Variants in ASTN1 observed in about 807,000 individuals in gnomAD.
ASTN1 encodes astrotactin 1, also known as astrotactin-1.
ASTN1 carries 41 observed loss-of-function variants against 140.7 expected under a neutral mutation model. The ratio of observed to expected loss-of-function variants is 0.29; its 90% CI spans 0.23 to 0.38. ASTN1 has a LOEUF of 0.38. ASTN1 is among the 10% of genes least tolerant of loss of function. The pLI, the probability that ASTN1 is intolerant of heterozygous loss-of-function variation, is 1.00. For synonymous variants in ASTN1, 640 were observed against 652.2 expected, an observed-to-expected ratio of 0.98 and a Z score of 0.29; for missense variants, 1,479 against 1,678.8, an observed-to-expected ratio of 0.88 and a Z score of 2.08.
At chr1:176,939,856 A>T (rs1671639530) in intron 14 of ASTN1, among the ~76,000 whole-genome samples, 1 of 125,090 alleles carries the variant, frequency 8.0e-6, no homozygotes, top group African/African-American at 3.1e-5. Context: ...GAAAGAAGGA[A>T]GGAAGGGAGG....
Position 176,863,950 on chromosome 1 carries a change from G to C in ASTN1, c.*334C>G. On this transcript the variant is annotated 3_prime_UTR_variant, in exon 23 of 23. Transcript: ENST00000361833. ...TGCCTACTTAATAGACTTTTCATGG[G>C]GAGCACGGCAGAGCTCTTGAGCATT... The C allele has an allele frequency of 9.2e-7, 1 of 1,090,848 alleles. No individual in the cohort carries two copies. Among genetic ancestry groups the C allele is most frequent in the Non-Finnish European group, 1.1e-6 (1 of 894,076 alleles). The allele number at this position is 1,090,848 out of a possible 1,614,324, so 67.6% of individuals were successfully genotyped here.
chr1:177,020,952 G>A (rs1262647622), intron 7 of ASTN1, among the ~76,000 whole-genome samples: 1 of 152,176 alleles, frequency 6.6e-6, no homozygotes, highest in Non-Finnish European at 1.5e-5. Flanking sequence ...GAAAGCACAT[G>A]TCCCAACACT....
At chr1:176,876,392 C>T (rs2076341) in intron 21 of ASTN1, 145 bp downstream of exon 21, 632,806 of 762,314 alleles carry the variant, frequency 0.83, 263,232 homozygotes, top group Middle Eastern at 0.92. Flanking sequence ...GGAAAGGCAA[C>T]GCTCCTGTAC....
At chr1:177,148,417 C>CAA (rs779226602) in intron 1 of ASTN1, among the ~76,000 whole-genome samples, 36 of 91,410 alleles carry the variant, frequency 3.9e-4, no homozygotes, top group South Asian at 1.8e-3. Context: ...GACTCCGTCT[C>CAA]AAAAAAAAAA....
At chr1:176,954,470 G>A (rs980986071) in intron 11 of ASTN1, among the ~76,000 whole-genome samples, 1 of 152,154 alleles carries the variant, frequency 6.6e-6, no homozygotes, top group Non-Finnish European at 1.5e-5. Flanking sequence ...AGTCCTGGTG[G>A]CATTTTGATT....
chr1:176,863,364 G>A lies in ASTN1; in HGVS notation c.*920C>T. 1.0e-6 allele frequency: 1 copy of A among 985,866 alleles called. No individual in the cohort carries two copies. Among genetic ancestry groups the A allele is most frequent in the Non-Finnish European group, 1.2e-6 (1 of 829,950 alleles). The allele number at this position is 985,866 out of a possible 1,614,324, so 61.1% of individuals were successfully genotyped here. A position where few individuals can be genotyped will look rare whatever the true frequency, so the allele number is the denominator to read the frequency against. ...ATCGGCCAAGCCTTACCTGTCCAAG[G>A]TAAGAGGTGTGGGGGTTAAAGATAA... On this transcript the variant is annotated 3_prime_UTR_variant, in exon 23 of 23. Transcript: ENST00000361833.
chr1:177,001,864 C>T (rs1201539091), intron 8 of ASTN1, among the ~76,000 whole-genome samples: 1 of 152,208 alleles, frequency 6.6e-6, no homozygotes, highest in Non-Finnish European at 1.5e-5. Flanking sequence ...TATGTTTCCA[C>T]TTGTGACCAT....
At chr1:177,047,275 G>A (rs1257522001) in intron 2 of ASTN1, among the ~76,000 whole-genome samples, 1 of 152,208 alleles carries the variant, frequency 6.6e-6, no homozygotes, top group African/African-American at 2.4e-5. Context: ...GCCTCACTCA[G>A]AGGAGAGGAA....
chr1:177,163,467 G>A (rs1419951132), intron 1 of ASTN1, among the ~76,000 whole-genome samples: 1 of 152,126 alleles, frequency 6.6e-6, no homozygotes, highest in Non-Finnish European at 1.5e-5. Context: ...CAGCTTAGTA[G>A]TGGAAAACAG....
chr1:176,888,753 A>C (rs1181790403), intron 17 of ASTN1, among the ~76,000 whole-genome samples: 3 of 152,204 alleles, frequency 2.0e-5, no homozygotes, highest in African/African-American at 4.8e-5. Context: ...AATCATGAAC[A>C]GGAGAAGCAA....
intron 1 of ASTN1, among the ~76,000 whole-genome samples, chr1:177,080,611 G>A (rs1182343588): frequency 6.6e-6 from 1 of 152,190 alleles, no homozygotes; most frequent in African/African-American, 2.4e-5. Context: ...AACAGGATTA[G>A]AGTTAGAGTT....
chr1:177,086,977 T>C lies in ASTN1; in HGVS notation c.284-25712A>G, dbSNP rs570052242. On this transcript the variant is annotated intron_variant, in intron 1 of 22. Coordinates refer to ENST00000361833, the MANE Select transcript of ASTN1 (RefSeq NM_004319.3). ...TTGCATGGATACAGACTATCATAGCTACAGAGAACTAGAAAACGGCATCTA... is the reference window on the plus strand; with the variant it reads ...TTGCATGGATACAGACTATCATAGCCACAGAGAACTAGAAAACGGCATCTA... Among the ~76,000 whole-genome samples the C allele has an allele frequency of 1.5e-4, 23 of 152,344 alleles. No homozygotes were observed. The South Asian group carries it at 4.4e-3, about 29-fold the overall frequency.
At chr1:176,966,054 G>C (rs1282311140) in intron 8 of ASTN1, among the ~76,000 whole-genome samples, 1 of 152,118 alleles carries the variant, frequency 6.6e-6, no homozygotes, top group African/African-American at 2.4e-5. Context: ...ATTAAAGCAA[G>C]ACTTAGCAAA....
chr1:176,969,953 C>A (rs957914169), intron 8 of ASTN1, among the ~76,000 whole-genome samples: 7 of 152,216 alleles, frequency 4.6e-5, no homozygotes, highest in Admixed American at 2.0e-4. Context: ...AGGAACATAG[C>A]CTGTGCCACA....
chr1:177,058,436 T>C (rs1047034588), intron 2 of ASTN1, among the ~76,000 whole-genome samples: 1 of 152,206 alleles, frequency 6.6e-6, no homozygotes, highest in Non-Finnish European at 1.5e-5. Flanking sequence ...TCTTCCATTT[T>C]ATTTGAAAAA....
chr1:176,888,211 A>G lies in ASTN1; in HGVS notation c.2941-7T>C, dbSNP rs2072935. On this transcript the variant is annotated splice_region_variant and splice_polypyrimidine_tract_variant and intron_variant, in intron 17 of 22. Coordinates refer to ENST00000361833, the MANE Select transcript of ASTN1 (RefSeq NM_004319.3). Reference sequence around the variant, plus strand: ...TGGTAGCCTCCTGCAAGAGCTGCATAAGAGAACAGGGAAAAGATTGAGTGT... The same window carrying G: ...TGGTAGCCTCCTGCAAGAGCTGCATGAGAGAACAGGGAAAAGATTGAGTGT... 1,337,709 of 1,613,392 alleles carry G rather than the reference A, an allele frequency of 0.83. 555,510 individuals carry two copies. Among genetic ancestry groups the G allele is most frequent in the Middle Eastern group, 0.91 (5,444 of 5,970 alleles).
chr1:177,038,002 A>G (rs1387087503), intron 2 of ASTN1, among the ~76,000 whole-genome samples: 1 of 152,246 alleles, frequency 6.6e-6, no homozygotes, highest in Non-Finnish European at 1.5e-5. Flanking sequence ...TGTAGATTTT[A>G]GAATTTTTAT....
At chr1:176,877,145 G>A (rs1254598094) in intron 20 of ASTN1, among the ~76,000 whole-genome samples, 1 of 152,210 alleles carries the variant, frequency 6.6e-6, no homozygotes, top group Non-Finnish European at 1.5e-5. Flanking sequence ...TATAGTGAAT[G>A]CCTGTGAAAT....
intron 4 of ASTN1, 25 bp from the exon 5 acceptor site, chr1:177,029,766 GAA>G: frequency 6.3e-7 from 1 of 1,591,816 alleles, no homozygotes; most frequent in Non-Finnish European, 8.6e-7. Flanking sequence ...GCATGGTCAA[GAA>G]AGCGTTTTCA....
Sources: gnomAD v4.1 joint callset for allele counts (sites outside exome capture counted in the v4.1 genomes callset) on GRCh38, gnomAD v4.1.1 for gene constraint, MANE v1.5 for transcripts, NCBI Gene and HGNC (gene_info 2026-07-23, HGNC 2026-07-21) for gene names.